GALNT2: variants seen among roughly 807,000 people sequenced by gnomAD.
GALNT2 encodes the protein UDP-GalNAc:polypeptide N-acetylgalactosaminyltransferase 2.
GALNT2 carries 31 observed loss-of-function variants against 81.4 expected under a neutral mutation model. That is an observed-to-expected ratio of 0.38 (90% CI 0.29 to 0.51). The LOEUF (loss-of-function observed/expected upper bound fraction) is 0.51, where lower values mean the gene tolerates loss of function less well. Among genes scored for constraint, GALNT2 ranks in the 20% least tolerant of loss-of-function variants. The pLI is 0.87. For synonymous variants in GALNT2, 303 were observed against 287.4 expected (o/e 1.05, Z -0.55); for missense variants, 629 against 765.7 (o/e 0.82, Z 2.11).
intron 1 of GALNT2, among the ~76,000 whole-genome samples, chr1:230,166,397 G>A (rs918977944): frequency 3.9e-5 from 6 of 152,184 alleles, no homozygotes; most frequent in East Asian, 1.9e-4. Context: ...TGCCTCACAC[G>A]GTGTTTCTCA....
At chr1:230,177,793 T>G (rs183529541) in intron 1 of GALNT2, among the ~76,000 whole-genome samples, 4 of 152,336 alleles carry the variant, frequency 2.6e-5, no homozygotes, top group Non-Finnish European at 4.4e-5. Context: ...AATCTGGTCC[T>G]AAGATGTCCA....
At chr1:230,071,425 C>G (rs1659371563) in intron 1 of GALNT2, among the ~76,000 whole-genome samples, 1 of 152,164 alleles carries the variant, frequency 6.6e-6, no homozygotes, top group African/African-American at 2.4e-5. Flanking sequence ...GGCGGTTAGG[C>G]AGTTGTAGTG....
intron 1 of GALNT2, among the ~76,000 whole-genome samples, chr1:230,153,508 C>A (rs1430680624): frequency 6.6e-6 from 1 of 152,310 alleles, no homozygotes; most frequent in African/African-American, 2.4e-5. Context: ...ACCCATAATG[C>A]TTTCTGTGTA....
intron 2 of GALNT2, among the ~76,000 whole-genome samples, chr1:230,188,159 A>T (rs1414258022): frequency 6.6e-6 from 1 of 152,130 alleles, no homozygotes; most frequent in African/African-American, 2.4e-5. Flanking sequence ...ATACTTGACA[A>T]TGTCTGTCAT....
chr1:230,135,943 T>G (rs2102818288), intron 1 of GALNT2, among the ~76,000 whole-genome samples: 1 of 152,090 alleles, frequency 6.6e-6, no homozygotes, highest in East Asian at 1.9e-4. Context: ...GCTCCCCACC[T>G]CCGCCTCCCA....
intron 3 of GALNT2, among the ~76,000 whole-genome samples, chr1:230,226,976 A>G (rs193068876): frequency 2.6e-5 from 4 of 152,312 alleles, no homozygotes; most frequent in East Asian, 1.9e-4. Context: ...ATAAAGCTTC[A>G]TCTTTAAAAA....
intron 3 of GALNT2, among the ~76,000 whole-genome samples, chr1:230,228,415 A>G (rs1558150026): frequency 6.6e-6 from 1 of 152,018 alleles, no homozygotes; most frequent in African/African-American, 2.4e-5. Context: ...AGCATGGTAC[A>G]GGTGCGGGGT....
intron 1 of GALNT2, among the ~76,000 whole-genome samples, chr1:230,109,069 C>T (rs1474191355): frequency 6.6e-6 from 1 of 152,214 alleles, no homozygotes; most frequent in Non-Finnish European, 1.5e-5. Flanking sequence ...CTATCCTACT[C>T]TTCTCTATCT....
chr1:230,214,923 A>T (rs1217328708), intron 3 of GALNT2, among the ~76,000 whole-genome samples: 1 of 152,082 alleles, frequency 6.6e-6, no homozygotes, highest in Non-Finnish European at 1.5e-5. Flanking sequence ...TCCACTGCTG[A>T]ATTCTTCATT....
At chr1:230,114,897 C>G (rs1021647393) in intron 1 of GALNT2, among the ~76,000 whole-genome samples, 1 of 152,094 alleles carries the variant, frequency 6.6e-6, no homozygotes, top group Non-Finnish European at 1.5e-5. Flanking sequence ...CCTGCTACCC[C>G]AACATCCAGC....
upstream of GALNT2, among the ~76,000 whole-genome samples, chr1:230,062,899 A>T (rs1432128071): frequency 6.6e-6 from 1 of 152,216 alleles, no homozygotes; most frequent in Non-Finnish European, 1.5e-5. Flanking sequence ...TGGATCATAT[A>T]GTAGTTCTAA....
rs777847839 is a variant in GALNT2 at position 230,243,355 on chromosome 1, C to G, written c.657C>G (p.Val219=). 6.2e-7 allele frequency: 1 copy of G among 1,612,114 alleles called. No homozygotes were observed. The highest frequency in any genetic ancestry group is 1.1e-5 in the South Asian group (1 of 91,018). The change falls in exon 7 of 16, where the codon GTC becomes GTG. Residue 219 remains valine (V), a synonymous_variant. Transcript: ENST00000366672. The surrounding 1 kb of genome is among the most constrained non-coding windows in gnomAD (Gnocchi z 4.2). ...GGGCCGATGCTGCCCAAGCCAAGGT[C>G]CTGACCTTCCTGGACAGTCACTGCG... is the stretch of plus-strand genomic sequence containing the variant. ...VRGADAAQAK[V]LTFLDSHCEC... is the part of the protein sequence containing the mutation.
At chr1:230,253,248 A>G (rs1665606557) in intron 10 of GALNT2, among the ~76,000 whole-genome samples, 1 of 152,188 alleles carries the variant, frequency 6.6e-6, no homozygotes, top group African/African-American at 2.4e-5. Context: ...TATTAGTACA[A>G]GAGAGTTGCT....
chr1:230,174,122 G>C (rs1662882145), intron 1 of GALNT2, among the ~76,000 whole-genome samples: 1 of 152,210 alleles, frequency 6.6e-6, no homozygotes, highest in East Asian at 1.9e-4. Context: ...TGGGCAGGCA[G>C]GGACCCGCTG....
In GALNT2 at chr1:230,150,377, CTT is replaced by C. The variant is rs571102882; in HGVS notation, c.127-27840_127-27839del. 3.7e-3 allele frequency among the ~76,000 whole-genome samples: 565 copies of C among 152,348 alleles called. 5 individuals are homozygous for C. The highest frequency in any genetic ancestry group is 0.017 in the Middle Eastern group (5 of 294). ...AAGGTGTCATATTTCTTCTCAGAAA[CTT>C]ATATTTGGATAAAACAAAAATCCTT... On this transcript the variant is annotated intron_variant, in intron 1 of 15. Transcript: ENST00000366672.
chr1:230,122,332 C>T (rs1180779007), intron 1 of GALNT2, among the ~76,000 whole-genome samples: 2 of 152,162 alleles, frequency 1.3e-5, no homozygotes, highest in African/African-American at 4.8e-5. Context: ...ATTCATTCTC[C>T]ATGAGATTGA....
At chr1:230,269,466 G>A (rs1192484149) in intron 14 of GALNT2, among the ~76,000 whole-genome samples, 8 of 152,080 alleles carry the variant, frequency 5.3e-5, no homozygotes, top group Non-Finnish European at 7.4e-5. Context: ...GGTTACAGGC[G>A]TGAGCCACCA....
At chr1:230,149,750 A>G (rs1051156741) in intron 1 of GALNT2, among the ~76,000 whole-genome samples, 1 of 152,118 alleles carries the variant, frequency 6.6e-6, no homozygotes, top group South Asian at 2.1e-4. Flanking sequence ...CAGAGTGGGA[A>G]ATTACAGCCA....
At position 230,276,850 on chromosome 1, in the gene GALNT2, C is replaced by T. The variant is rs904885842; in HGVS notation, c.1560+2286C>T. 3.9e-5 allele frequency among the ~76,000 whole-genome samples: 6 copies of T among 152,162 alleles called. No individual in the cohort carries two copies. The East Asian group carries it at 7.7e-4, about 20-fold the overall frequency. ...GAAATTGCCTCACTCATTGGCCCCT[C>T]GAGAGGAAGCTCCTCGAGGGCAAGG... On this transcript the variant is annotated intron_variant, in intron 15 of 15. Transcript: ENST00000366672.
Sources: allele counts gnomAD v4.1 joint callset (sites outside exome capture counted in the v4.1 genomes callset), GRCh38; gene constraint gnomAD v4.1.1; non-coding constraint Gnocchi (gnomAD v3.1); transcripts MANE v1.5; gene names NCBI Gene and HGNC (gene_info 2026-07-23, HGNC 2026-07-21).